Variants in MAD1L1 observed in about 807,000 individuals in gnomAD.
MAD1L1 encodes mitotic arrest deficient 1 like 1.
In MAD1L1, 95 loss-of-function variants were observed where a neutral mutation model predicts 96.9. That is an observed-to-expected ratio of 0.98 (90% CI 0.83 to 1.16). The LOEUF (loss-of-function observed/expected upper bound fraction) is 1.16, where lower values mean the gene tolerates loss of function less well. Ranked by LOEUF, MAD1L1 falls within the 50% of genes most tolerant of loss-of-function variation. The pLI, the probability that MAD1L1 is intolerant of heterozygous loss-of-function variation, is 0.00. For synonymous variants in MAD1L1, 473 were observed against 396.6 expected (o/e 1.19, Z -2.29); for missense variants, 1,007 against 954.4 (o/e 1.06, Z -0.73).
chr7:2,167,098 G>A (rs1405703516), intron 10 of MAD1L1, among the ~76,000 whole-genome samples: 1 of 152,216 alleles, frequency 6.6e-6, no homozygotes, highest in Non-Finnish European at 1.5e-5. Flanking sequence ...ATCGCAGATA[G>A]GAGAGTGCCG....
At chr7:2,027,585 T>C (rs893298242) in intron 12 of MAD1L1, among the ~76,000 whole-genome samples, 5 of 152,282 alleles carry the variant, frequency 3.3e-5, no homozygotes, top group Admixed American at 6.5e-5. Flanking sequence ...TAACAAAATA[T>C]AGAAGAAAAT....
chr7:2,192,272 A>C lies in MAD1L1; in HGVS notation c.986+20940T>G, dbSNP rs1791763673. ...CAGCCTCCCAAGTCATTGGGATTAC[A>C]GGCACATGCCACCACGCCCAGCTAA... On this transcript the variant is annotated intron_variant, in intron 10 of 18. Transcript: ENST00000265854. 1.3e-5 allele frequency among the ~76,000 whole-genome samples: 2 copies of C among 152,166 alleles called. 1 individual carries two copies. The highest frequency in any genetic ancestry group is 2.9e-5 in the Non-Finnish European group (2 of 68,000).
intron 18 of MAD1L1, among the ~76,000 whole-genome samples, chr7:1,841,811 A>G (rs1783277975): frequency 6.6e-6 from 1 of 152,110 alleles, no homozygotes; most frequent in Non-Finnish European, 1.5e-5. Context: ...GAGACCCCCA[A>G]TCCTTCTGGG....
At chr7:1,880,817 A>G (rs1190354234) in intron 18 of MAD1L1, among the ~76,000 whole-genome samples, 1 of 152,198 alleles carries the variant, frequency 6.6e-6, no homozygotes, top group East Asian at 1.9e-4. Context: ...GGGATCCAGA[A>G]AAGAGATGGA....
rs1395750512 is a variant in MAD1L1, at chr7:1,871,726, C to A, written c.1998+26474G>T. 2.0e-5 allele frequency among the ~76,000 whole-genome samples: 3 copies of A among 151,144 alleles called. No individual in the cohort carries two copies. In the East Asian group the frequency reaches 6.2e-4, roughly 31 times the overall value. ...CCACGCTGAAGCCAACATACACCTG[C>A]CACGCTGAACCCAACATACGCCTGC... On this transcript the variant is annotated intron_variant, in intron 18 of 18. Coordinates refer to ENST00000265854, the MANE Select transcript of MAD1L1 (RefSeq NM_001013836.2).
chr7:1,821,399 C>A (rs1782118964), intron 18 of MAD1L1, among the ~76,000 whole-genome samples: 1 of 152,144 alleles, frequency 6.6e-6, no homozygotes, highest in African/African-American at 2.4e-5. Flanking sequence ...CAATTTTACA[C>A]AATCCTTTTT....
intron 11 of MAD1L1, among the ~76,000 whole-genome samples, chr7:2,136,537 C>G (rs898362066): frequency 1.3e-5 from 2 of 152,242 alleles, no homozygotes; most frequent in Non-Finnish European, 2.9e-5. Flanking sequence ...ATGGCACCAA[C>G]TCGAGCTCAG....
chr7:1,908,326 G>A (rs548914828), intron 17 of MAD1L1, among the ~76,000 whole-genome samples: 1 of 152,198 alleles, frequency 6.6e-6, no homozygotes, highest in Non-Finnish European at 1.5e-5. Context: ...CATCAGAGCT[G>A]ATGGGTAATT....
In MAD1L1 at chr7:1,887,053, G is replaced by A. The variant is rs1007063839; in HGVS notation, c.1998+11147C>T. On this transcript the variant is annotated intron_variant, in intron 18 of 18. Coordinates refer to ENST00000265854, the MANE Select transcript of MAD1L1 (RefSeq NM_001013836.2). ...ATCTCTTTTTCTAACATGGCGCTTT[G>A]CATACCATGGGCCTTCACAGCCCTT... Among the ~76,000 whole-genome samples, 12 of 152,380 alleles carry A rather than the reference G, an allele frequency of 7.9e-5. No individual in the cohort carries two copies. In the East Asian group the frequency reaches 1.9e-3, roughly 24 times the overall value.
chr7:1,857,349 A>C (rs762048619), intron 18 of MAD1L1, among the ~76,000 whole-genome samples: 1 of 152,042 alleles, frequency 6.6e-6, no homozygotes, highest in Non-Finnish European at 1.5e-5. Flanking sequence ...GGGCGGCACA[A>C]GGTAGGGCTG....
At chr7:1,843,250 T>C (rs932378480) in intron 18 of MAD1L1, among the ~76,000 whole-genome samples, 2 of 152,234 alleles carry the variant, frequency 1.3e-5, no homozygotes, top group African/African-American at 4.8e-5. Flanking sequence ...CGTCTTTCTC[T>C]GTCTTCCTGG....
intron 18 of MAD1L1, chr7:1,844,312 T>TC (rs1361048817): frequency 6.5e-6 from 1 of 153,252 alleles, no homozygotes; most frequent in Non-Finnish European, 1.5e-5. Flanking sequence ...GAGGAAGCAC[T>TC]CCCAGTGGAC....
At chr7:1,931,598 G>A (rs141547763) in intron 17 of MAD1L1, among the ~76,000 whole-genome samples, 2,069 of 152,208 alleles carry the variant, frequency 0.014, 43 homozygotes, top group African/African-American at 0.047. Context: ...GCGCTCGGAC[G>A]TCCTGCTGAC....
intron 17 of MAD1L1, among the ~76,000 whole-genome samples, chr7:1,935,776 G>A (rs949590379): frequency 2.0e-5 from 3 of 152,238 alleles, no homozygotes; most frequent in Non-Finnish European, 4.4e-5. Context: ...AAATCACCTC[G>A]AGATGCCAAA....
chr7:2,102,277 C>T (rs1478514819), intron 11 of MAD1L1, among the ~76,000 whole-genome samples: 1 of 149,760 alleles, frequency 6.7e-6, no homozygotes, highest in Non-Finnish European at 1.5e-5. Context: ...ATCACTATCA[C>T]CACCACCACC....
chr7:1,863,904 T>C (rs566342147), intron 18 of MAD1L1, among the ~76,000 whole-genome samples: 243 of 152,148 alleles, frequency 1.6e-3, no homozygotes, highest in Non-Finnish European at 2.6e-3. Context: ...CTGGCCAAGA[T>C]GGTGAAACCC....
intron 18 of MAD1L1, among the ~76,000 whole-genome samples, chr7:1,873,439 G>C (rs1304129585): frequency 6.6e-6 from 1 of 151,958 alleles, no homozygotes. Flanking sequence ...TGGAGGATGC[G>C]AGGGGCGGTG....
chr7:1,927,125 C>T (rs1237376464), intron 17 of MAD1L1, among the ~76,000 whole-genome samples: 1 of 152,042 alleles, frequency 6.6e-6, no homozygotes, highest in Non-Finnish European at 1.5e-5. Flanking sequence ...CAAATAATTA[C>T]ATAGCTCCAA....
intron 10 of MAD1L1, among the ~76,000 whole-genome samples, chr7:2,181,814 A>C (rs1637757): frequency 0.093 from 13,916 of 149,706 alleles, 1,133 homozygotes; most frequent in African/African-American, 0.22. Flanking sequence ...TGTGGTCTCT[A>C]TATATATATA....
Sources: allele counts gnomAD v4.1 joint callset (sites outside exome capture counted in the v4.1 genomes callset), GRCh38; gene constraint gnomAD v4.1.1; transcripts MANE v1.5; gene names NCBI Gene and HGNC (gene_info 2026-07-23, HGNC 2026-07-21).